LRP1B: variants seen among roughly 807,000 people sequenced by gnomAD.
The protein encoded by LRP1B is LDL receptor related protein 1B, also known as low-density lipoprotein receptor-related protein 1B.
In LRP1B, 217 loss-of-function variants were observed where a neutral mutation model predicts 556.6. The observed-to-expected ratio is 0.39, with a 90% confidence interval of 0.35 to 0.44. The LOEUF (loss-of-function observed/expected upper bound fraction) is 0.44. LRP1B is among the 20% of genes least tolerant of loss of function. The pLI, the probability that LRP1B is intolerant of heterozygous loss-of-function variation, is 1.00. For missense variants in LRP1B, 5,053 were observed against 5,620.8 expected (o/e 0.90, Z 3.23); for synonymous variants, 2,047 against 1,865.8 (o/e 1.10, Z -2.50).
Position 140,509,993 on chromosome 2 carries a change from T to C in LRP1B, c.8333A>G (p.His2778Arg), listed in dbSNP as rs1190745556. ...CQGSRACVPRHWLCDGERDCP... is the reference protein window; with the variant it reads ...CQGSRACVPRRWLCDGERDCP... ...GTCCCTTTCACCATCACAAAGCCAATGTCGGGGCACGCAGGCACGAGAGCC... is the reference window on the plus strand; with the variant it reads ...GTCCCTTTCACCATCACAAAGCCAACGTCGGGGCACGCAGGCACGAGAGCC... The change falls in exon 52 of 91, where the codon CAT becomes CGT. Residue 2778 changes from histidine (H) to arginine (R), a missense_variant. Transcript: ENST00000389484. 2 of 1,613,980 alleles carry C rather than the reference T, an allele frequency of 1.2e-6. No homozygotes were observed. Among genetic ancestry groups the C allele is most frequent in the East Asian group, 4.5e-5 (2 of 44,876 alleles).
intron 3 of LRP1B, among the ~76,000 whole-genome samples, chr2:141,435,073 G>A (rs111524652): frequency 2.2e-4 from 34 of 152,284 alleles, no homozygotes; most frequent in African/African-American, 7.2e-4. Context: ...GATCACTTCT[G>A]AAAGGATCCA....
chr2:140,606,162 C>T (rs1228825108), intron 41 of LRP1B, among the ~76,000 whole-genome samples: 3 of 151,874 alleles, frequency 2.0e-5, no homozygotes. Context: ...GAAATGTATA[C>T]TCAGGATGCA....
intron 7 of LRP1B, among the ~76,000 whole-genome samples, chr2:141,103,890 C>A (rs980813028): frequency 1.3e-5 from 2 of 151,724 alleles, no homozygotes; most frequent in African/African-American, 2.4e-5. Flanking sequence ...TTCTGAGGAG[C>A]AAATTATTTT....
At chr2:140,518,084 T>C (rs552570446) in intron 49 of LRP1B, among the ~76,000 whole-genome samples, 38 of 152,178 alleles carry the variant, frequency 2.5e-4, no homozygotes, top group African/African-American at 8.2e-4. Context: ...GTTTGATCTA[T>C]AGCCAAGCAG....
Position 141,308,146 on chromosome 2 carries a change from T to C in LRP1B, c.344-53505A>G, listed in dbSNP as rs139714208. Among the ~76,000 whole-genome samples, 345 of 152,274 alleles carry C rather than the reference T, an allele frequency of 2.3e-3. 2 individuals are homozygous for C. The highest frequency in any genetic ancestry group is 3.5e-3 in the Non-Finnish European group (239 of 68,028). Reference sequence around the variant, plus strand: ...AGGCACTGGTTCAGGAATCAGTATATAACCCCACCAGAGTTAATGAGATGC... The same window carrying C: ...AGGCACTGGTTCAGGAATCAGTATACAACCCCACCAGAGTTAATGAGATGC... On this transcript the variant is annotated intron_variant, in intron 3 of 90. Transcript: ENST00000389484.
At chr2:140,957,688 G>A (rs1352978784) in intron 18 of LRP1B, among the ~76,000 whole-genome samples, 1 of 151,492 alleles carries the variant, frequency 6.6e-6, no homozygotes, top group African/African-American at 2.4e-5. Flanking sequence ...AACGTTGCCT[G>A]TGCATGCATG....
At chr2:141,252,074 C>T (rs1198392591) in intron 4 of LRP1B, among the ~76,000 whole-genome samples, 1 of 151,918 alleles carries the variant, frequency 6.6e-6, no homozygotes, top group African/African-American at 2.4e-5. Context: ...GCCTGAGTTC[C>T]CTTGTCTCTC....
At chr2:140,626,247 AC>A (rs1265940272) in intron 41 of LRP1B, among the ~76,000 whole-genome samples, 1 of 152,166 alleles carries the variant, frequency 6.6e-6, no homozygotes, top group Non-Finnish European at 1.5e-5. Flanking sequence ...GAGCACAGAT[AC>A]ATTTTAGGGC....
intron 7 of LRP1B, among the ~76,000 whole-genome samples, chr2:141,163,416 A>T (rs181641204): frequency 6.6e-6 from 1 of 152,206 alleles, no homozygotes; most frequent in African/African-American, 2.4e-5. Context: ...CTGACTGATG[A>T]TCATTTAGAC....
At chr2:140,257,437 A>T (rs1681744341) in intron 86 of LRP1B, among the ~76,000 whole-genome samples, 1 of 152,196 alleles carries the variant, frequency 6.6e-6, no homozygotes, top group Non-Finnish European at 1.5e-5. Context: ...AAATAACATG[A>T]TTACATCAGA....
chr2:141,795,488 G>C (rs1329538108), intron 2 of LRP1B, among the ~76,000 whole-genome samples: 1 of 152,048 alleles, frequency 6.6e-6, no homozygotes, highest in Non-Finnish European at 1.5e-5. Context: ...TTTAAGTTTA[G>C]AAATTTAGTT....
intron 54 of LRP1B, among the ~76,000 whole-genome samples, chr2:140,502,147 T>A (rs1403130655): frequency 6.6e-6 from 1 of 152,030 alleles, no homozygotes; most frequent in Admixed American, 6.6e-5. Context: ...ATTAATGAAC[T>A]ATTTCTGCCT....
chr2:141,388,951 G>A (rs1689947206), intron 3 of LRP1B, among the ~76,000 whole-genome samples: 1 of 152,066 alleles, frequency 6.6e-6, no homozygotes, highest in Admixed American at 6.6e-5. Flanking sequence ...GGAGATGAAA[G>A]ACTTGTGTAC....
rs1311426795 is a variant in LRP1B, at chr2:140,748,212, TTA to T, written c.5758+20999_5758+21000del. 3.6e-5 allele frequency among the ~76,000 whole-genome samples: 4 copies of T among 111,868 alleles called. No individual in the cohort carries two copies. In the East Asian group the frequency reaches 1.1e-3, roughly 30 times the overall value. 73.4% of individuals were successfully genotyped at this position (111,868 alleles called of 152,430 possible). On this transcript the variant is annotated intron_variant, in intron 35 of 90. Transcript: ENST00000389484. ...GTGTATATTCATATATATTATATTC[TTA>T]TATATAAAAGTCAAATATCCATAAA...
At chr2:140,371,755 A>T (rs566271713) in intron 69 of LRP1B, among the ~76,000 whole-genome samples, 2 of 152,150 alleles carry the variant, frequency 1.3e-5, no homozygotes, top group South Asian at 4.1e-4. Flanking sequence ...AAATCTTGGC[A>T]TGGTCTCACA....
intron 3 of LRP1B, among the ~76,000 whole-genome samples, chr2:141,320,904 GTTC>G (rs1332536336): frequency 6.6e-6 from 1 of 152,004 alleles, no homozygotes; most frequent in East Asian, 1.9e-4. Context: ...TTTATATACT[GTTC>G]TTCTGAGGAT....
At chr2:141,286,015 C>A (rs1172171550) in intron 3 of LRP1B, among the ~76,000 whole-genome samples, 9 of 129,914 alleles carry the variant, frequency 6.9e-5, no homozygotes, top group African/African-American at 2.6e-4. Context: ...TGCAGTGAGC[C>A]AAGATCCCGC....
intron 2 of LRP1B, among the ~76,000 whole-genome samples, chr2:141,796,214 T>G (rs1288060135): frequency 6.6e-6 from 1 of 151,970 alleles, no homozygotes; most frequent in Non-Finnish European, 1.5e-5. Context: ...TATTTATCAA[T>G]GAAAGAAATA....
intron 7 of LRP1B, among the ~76,000 whole-genome samples, chr2:141,087,042 C>T (rs1230608506): frequency 6.6e-6 from 1 of 152,094 alleles, no homozygotes; most frequent in Non-Finnish European, 1.5e-5. Context: ...AAATATAGGC[C>T]TGTGGCGGCA....
Sources: allele counts gnomAD v4.1 joint callset (sites outside exome capture counted in the v4.1 genomes callset), GRCh38; gene constraint gnomAD v4.1.1; transcripts MANE v1.5; gene names NCBI Gene and HGNC (gene_info 2026-07-23, HGNC 2026-07-21).